MIPOL1: variants seen among roughly 807,000 people sequenced by gnomAD.
MIPOL1 encodes mirror-image polydactyly 1, also known as mirror-image polydactyly gene 1 protein.
MIPOL1 carries 57 observed loss-of-function variants against 60.9 expected under a neutral mutation model. The observed-to-expected ratio is 0.94, with a 90% CI of 0.76 to 1.17. The LOEUF (loss-of-function observed/expected upper bound fraction) is 1.17, where lower values mean the gene tolerates loss of function less well. Ranked by LOEUF, MIPOL1 falls within the 50% of genes most tolerant of loss-of-function variation. The pLI, the probability that MIPOL1 is intolerant of heterozygous loss-of-function variation, is 0.00. For missense variants in MIPOL1, 551 were observed against 511.6 expected (o/e 1.08, Z -0.74); for synonymous variants, 179 against 168.8 (o/e 1.06, Z -0.47).
chr14:37,383,393 T>G (rs996914924), intron 10 of MIPOL1, among the ~76,000 whole-genome samples: 4 of 151,916 alleles, frequency 2.6e-5, no homozygotes, highest in African/African-American at 9.7e-5. Context: ...CATTGAATTT[T>G]AGTACATAAA....
chr14:37,323,873 A>G (rs1431082471), intron 9 of MIPOL1, among the ~76,000 whole-genome samples: 1 of 151,948 alleles, frequency 6.6e-6, no homozygotes. Flanking sequence ...TGTCAGCAAG[A>G]TATTTGTGAT....
chr14:37,363,828 G>A (rs1392119080), intron 9 of MIPOL1, among the ~76,000 whole-genome samples: 7 of 152,264 alleles, frequency 4.6e-5, no homozygotes, highest in South Asian at 4.1e-4. Context: ...ACCTACATAA[G>A]CCTCAGTAAT....
intron 12 of MIPOL1, among the ~76,000 whole-genome samples, chr14:37,539,220 AAAG>A (rs2095520061): frequency 6.6e-6 from 1 of 152,164 alleles, no homozygotes; most frequent in Non-Finnish European, 1.5e-5. Flanking sequence ...TAAAATAAAA[AAAG>A]AACTGCCCAG....
intron 1 of MIPOL1, among the ~76,000 whole-genome samples, chr14:37,234,942 A>ATTTTTTTTTTTTTTT (rs5807941): frequency 6.0e-5 from 7 of 116,830 alleles, no homozygotes; most frequent in African/African-American, 9.7e-5. Flanking sequence ...CGTACGGCTA[A>ATTTTTTTTTTTTTTT]TTTTTTTTTT....
At chr14:37,471,930 A>G (rs2094694717) in intron 11 of MIPOL1, among the ~76,000 whole-genome samples, 2 of 152,222 alleles carry the variant, frequency 1.3e-5, no homozygotes, top group African/African-American at 4.8e-5. Context: ...CAAAGCGCCC[A>G]GCACATAGTA....
intron 1 of MIPOL1, among the ~76,000 whole-genome samples, chr14:37,208,056 C>T (rs1283744900): frequency 6.6e-6 from 1 of 152,152 alleles, no homozygotes; most frequent in African/African-American, 2.4e-5. Context: ...CTGCTTTAGG[C>T]TGTTGGCATG....
chr14:37,443,091 C>G (rs1404220799), intron 11 of MIPOL1, among the ~76,000 whole-genome samples: 2 of 152,186 alleles, frequency 1.3e-5, no homozygotes, highest in East Asian at 3.9e-4. Flanking sequence ...CTACACTAAT[C>G]AAAACAGTGT....
At chr14:37,216,609 C>T (rs1967758350) in intron 1 of MIPOL1, among the ~76,000 whole-genome samples, 2 of 152,054 alleles carry the variant, frequency 1.3e-5, no homozygotes, top group African/African-American at 4.8e-5. Context: ...TGTAATAAAA[C>T]TAGAAATTAA....
At chr14:37,230,065 T>A (rs919422691) in intron 1 of MIPOL1, among the ~76,000 whole-genome samples, 9 of 152,200 alleles carry the variant, frequency 5.9e-5, no homozygotes, top group African/African-American at 2.2e-4. Context: ...AGAGTAGATT[T>A]TGTGTTTTCA....
intron 1 of MIPOL1, among the ~76,000 whole-genome samples, chr14:37,244,523 T>A (rs1027264672): frequency 1.3e-5 from 2 of 151,984 alleles, no homozygotes; most frequent in African/African-American, 4.8e-5. Context: ...TGCTCATATA[T>A]CCTCTGTTGG....
chr14:37,480,894 T>C (rs983919026), intron 11 of MIPOL1, among the ~76,000 whole-genome samples: 10 of 152,164 alleles, frequency 6.6e-5, no homozygotes, highest in Non-Finnish European at 1.0e-4. Context: ...ATACCAGCAC[T>C]TTGGGAGGCC....
chr14:37,204,498 G>A lies in MIPOL1; in HGVS notation c.-199+6394G>A, dbSNP rs184176830. On this transcript the variant is annotated intron_variant, in intron 1 of 12. Coordinates refer to ENST00000684589, the MANE Select transcript of MIPOL1 (RefSeq NM_001388067.1). Reference sequence around the variant, plus strand: ...AATCATGGGTGGTTTCTCTCATACCGTTCTCATGGTAGTGAATAAGTCCAT... The same window carrying A: ...AATCATGGGTGGTTTCTCTCATACCATTCTCATGGTAGTGAATAAGTCCAT... Among the ~76,000 whole-genome samples the A allele has an allele frequency of 4.6e-5, 7 of 152,164 alleles. No individual in the cohort carries two copies. The East Asian group carries it at 5.8e-4, about 13-fold the overall frequency.
chr14:37,285,490 A>G, intron 7 of MIPOL1, 43 bp downstream of exon 7: 1 of 1,588,352 alleles, frequency 6.3e-7, no homozygotes, highest in African/African-American at 1.3e-5. Flanking sequence ...AGGAACACTT[A>G]TAAAAGGCAT....
intron 11 of MIPOL1, among the ~76,000 whole-genome samples, chr14:37,499,030 T>G (rs1475518445): frequency 6.6e-6 from 1 of 152,112 alleles, no homozygotes; most frequent in Non-Finnish European, 1.5e-5. Context: ...AATCGACATT[T>G]CCTTTGTATG....
At chr14:37,343,196 G>T (rs528165378) in intron 9 of MIPOL1, among the ~76,000 whole-genome samples, 21 of 151,736 alleles carry the variant, frequency 1.4e-4, no homozygotes, top group Admixed American at 1.3e-3. Context: ...TTAATTTTTG[G>T]TATTTGTAAA....
chr14:37,212,717 C>G (rs565576033), intron 1 of MIPOL1, among the ~76,000 whole-genome samples: 1 of 152,228 alleles, frequency 6.6e-6, no homozygotes, highest in Non-Finnish European at 1.5e-5. Flanking sequence ...GGGTCTTGAG[C>G]GAACGTAGGC....
At position 37,463,731 on chromosome 14, in the gene MIPOL1, A is replaced by G. The variant is rs181080979; in HGVS notation, c.1032-36177A>G. 9.5e-4 allele frequency among the ~76,000 whole-genome samples: 144 copies of G among 152,314 alleles called. 2 individuals carry two copies. Among genetic ancestry groups the G allele is most frequent in the African/African-American group, 3.4e-3 (143 of 41,570 alleles). ...TTTATAACTAAGACCTCAAAAGCAA[A>G]TGTGACAAAAACAAAAATAAACAAA... On this transcript the variant is annotated intron_variant, in intron 11 of 12. Transcript: ENST00000684589.
downstream of MIPOL1, chr14:37,551,877 A>AAAAAATAAT (rs749179758): frequency 7.1e-6 from 1 of 140,732 alleles, no homozygotes; most frequent in Admixed American, 7.1e-5. Context: ...AGACTGTCTC[A>AAAAAATAAT]AATAATAATA....
At position 37,295,839 on chromosome 14, in the gene MIPOL1, C is replaced by A. The variant is rs144571786; in HGVS notation, c.623+10392C>A. ...GTGACCTACAAAATGACTTAGACCCCCACACAGTAATCATGGGAGACTTTA... is the reference window on the plus strand; with the variant it reads ...GTGACCTACAAAATGACTTAGACCCACACACAGTAATCATGGGAGACTTTA... On this transcript the variant is annotated intron_variant, in intron 7 of 12. Coordinates refer to ENST00000684589, the MANE Select transcript of MIPOL1 (RefSeq NM_001388067.1). 7.1e-3 allele frequency among the ~76,000 whole-genome samples: 1,080 copies of A among 152,204 alleles called. 7 individuals are homozygous for A. The highest frequency in any genetic ancestry group is 0.013 in the Non-Finnish European group (857 of 68,026).
Sources: allele counts gnomAD v4.1 joint callset (sites outside exome capture counted in the v4.1 genomes callset), GRCh38; gene constraint gnomAD v4.1.1; transcripts MANE v1.5; gene names NCBI Gene and HGNC (gene_info 2026-07-23, HGNC 2026-07-21).